Variants in PLA2G4A observed in about 807,000 individuals in gnomAD.
PLA2G4A encodes phospholipase A2 group IVA, also known as cytosolic phospholipase A2.
Under a neutral mutation model 81.9 loss-of-function variants are expected in PLA2G4A, and 40 were observed. The ratio of observed to expected loss-of-function variants is 0.49; its 90% CI spans 0.38 to 0.64. The LOEUF (loss-of-function observed/expected upper bound fraction) is 0.64, where lower values mean the gene tolerates loss of function less well. PLA2G4A is among the 30% of genes least tolerant of loss of function. The pLI, the probability that PLA2G4A is intolerant of heterozygous loss-of-function variation, is 0.00. For missense variants in PLA2G4A, 715 were observed against 905.1 expected (o/e 0.79, Z 2.69); for synonymous variants, 302 against 296.9 (o/e 1.02, Z -0.18).
chr1:186,987,462 C>T (rs1484599084), intron 17 of PLA2G4A, among the ~76,000 whole-genome samples: 1 of 152,232 alleles, frequency 6.6e-6, no homozygotes, highest in Non-Finnish European at 1.5e-5. Context: ...TGACTTGCCT[C>T]GGTTTCCTGA....
chr1:186,933,853 C>T (rs1330987702), intron 8 of PLA2G4A, among the ~76,000 whole-genome samples: 1 of 152,110 alleles, frequency 6.6e-6, no homozygotes, highest in African/African-American at 2.4e-5. Context: ...GGCTTTTGAT[C>T]TGTCATTCTG....
chr1:186,941,086 C>T (rs894186119), intron 10 of PLA2G4A, among the ~76,000 whole-genome samples: 11 of 127,752 alleles, frequency 8.6e-5, no homozygotes, highest in Admixed American at 6.9e-4. Context: ...GCACTCCAGC[C>T]GGGGCCATAG....
At chr1:186,937,782 C>T (rs946531982) in intron 8 of PLA2G4A, among the ~76,000 whole-genome samples, 2 of 150,914 alleles carry the variant, frequency 1.3e-5, no homozygotes, top group Non-Finnish European at 3.0e-5. Context: ...TCCAGTTCTG[C>T]TGTTATAAAC....
intron 13 of PLA2G4A, among the ~76,000 whole-genome samples, chr1:186,955,711 A>G (rs1656721172): frequency 6.7e-6 from 1 of 150,334 alleles, no homozygotes; most frequent in Non-Finnish European, 1.5e-5. Context: ...TAATTTTAAC[A>G]TTCAATTATC....
chr1:186,888,164 C>T (rs1326680673), intron 3 of PLA2G4A, among the ~76,000 whole-genome samples: 1 of 152,184 alleles, frequency 6.6e-6, no homozygotes, highest in African/African-American at 2.4e-5. Flanking sequence ...GCAAATCCAA[C>T]ATGACAGCTA....
At chr1:186,840,994 C>T (rs1463088299) in intron 1 of PLA2G4A, among the ~76,000 whole-genome samples, 2 of 152,192 alleles carry the variant, frequency 1.3e-5, no homozygotes, top group African/African-American at 2.4e-5. Flanking sequence ...TTTGTGCCAC[C>T]TTGTTGCATA....
At chr1:186,937,742 A>G (rs561430157) in intron 8 of PLA2G4A, among the ~76,000 whole-genome samples, 2 of 15,422 alleles carry the variant, frequency 1.3e-4, no homozygotes, top group Non-Finnish European at 1.4e-4. Flanking sequence ...AAAAAAAAAT[A>G]GCCTACTGGG....
At chr1:186,932,532 T>A (rs2024656) in intron 7 of PLA2G4A, among the ~76,000 whole-genome samples, 1 of 151,802 alleles carries the variant, frequency 6.6e-6, no homozygotes, top group Non-Finnish European at 1.5e-5. Context: ...AACTCCTGAC[T>A]TCAGGTGATG....
At chr1:186,988,296 C>A (rs1657955247) in intron 17 of PLA2G4A, 81 bp from the exon 18 acceptor site, 4 of 1,065,546 alleles carry the variant, frequency 3.8e-6, no homozygotes, top group Non-Finnish European at 5.4e-6. Context: ...TAAAAAGATT[C>A]ATTTGATTTT....
chr1:186,942,629 G>T (rs150789397), intron 10 of PLA2G4A, among the ~76,000 whole-genome samples: 1,769 of 151,610 alleles, frequency 0.012, 40 homozygotes, highest in African/African-American at 0.04. Flanking sequence ...TTTTCACGGT[G>T]GTTATATTTT....
In PLA2G4A at chr1:186,932,911, T is replaced by A. The variant is rs745937645; in HGVS notation, c.695+12T>A. 1 of 1,592,278 alleles carries A rather than the reference T, an allele frequency of 6.3e-7. No homozygotes were observed. The highest frequency in any genetic ancestry group is 1.3e-5 in the African/African-American group (1 of 74,456). Reference sequence around the variant, plus strand: ...TCTGGCTCCACCTGGTTAGTATACATTTTTAATTTTAGTTTTATAACTTTA... The same window carrying A: ...TCTGGCTCCACCTGGTTAGTATACAATTTTAATTTTAGTTTTATAACTTTA... On this transcript the variant is annotated intron_variant, in intron 8 of 17. Transcript: ENST00000367466.
chr1:186,981,418 C>T (rs1379834597), intron 17 of PLA2G4A, among the ~76,000 whole-genome samples: 1 of 152,096 alleles, frequency 6.6e-6, no homozygotes, highest in African/African-American at 2.4e-5. Context: ...TTGTTTGACA[C>T]ATAGATGTAA....
intron 1 of PLA2G4A, among the ~76,000 whole-genome samples, chr1:186,830,949 G>GCTTTCTTT (rs1274358109): frequency 2.0e-4 from 9 of 44,898 alleles, no homozygotes; most frequent in East Asian, 8.9e-4. Context: ...TTGCTTGCTT[G>GCTTTCTTT]CTTGCTTGCT....
At chr1:186,939,613 G>A (rs1656077366) in intron 9 of PLA2G4A, among the ~76,000 whole-genome samples, 1 of 152,110 alleles carries the variant, frequency 6.6e-6, no homozygotes, top group Non-Finnish European at 1.5e-5. Context: ...GAAAGGAAGG[G>A]GATCGCATAG....
Position 186,854,302 on chromosome 1 carries a change from A to G in PLA2G4A, c.-53A>G. 1.9e-6 allele frequency: 2 copies of G among 1,035,856 alleles called. No individual in the cohort carries two copies. Among genetic ancestry groups the G allele is most frequent in the Non-Finnish European group, 3.1e-6 (2 of 653,442 alleles). The allele number at this position is 1,035,856 out of a possible 1,614,324, so 64.2% of individuals were successfully genotyped here. A position where few individuals can be genotyped will look rare whatever the true frequency, so the allele number is the denominator to read the frequency against. On this transcript the variant is annotated 5_prime_UTR_variant, in exon 2 of 18. Transcript: ENST00000367466. Reference sequence around the variant, plus strand: ...ATTTTGTAGGTTTTAAAGACGCTAGAGTGCCAAAGAAGACTTTGAAGTGTG... The same window carrying G: ...ATTTTGTAGGTTTTAAAGACGCTAGGGTGCCAAAGAAGACTTTGAAGTGTG...
At chr1:186,925,365 T>C (rs189446624) in intron 7 of PLA2G4A, among the ~76,000 whole-genome samples, 1 of 152,308 alleles carries the variant, frequency 6.6e-6, no homozygotes, top group East Asian at 1.9e-4. Flanking sequence ...AGAGTGAATG[T>C]TTCAAAACAG....
At position 186,988,591 on chromosome 1, in the gene PLA2G4A, G is replaced by T. The variant is rs1276232384; in HGVS notation, c.*83G>T. The T allele has an allele frequency of 1.7e-6, 2 of 1,208,066 alleles. No homozygotes were observed. The highest frequency in any genetic ancestry group is 2.4e-6 in the Non-Finnish European group (2 of 819,038). 74.8% of individuals were successfully genotyped at this position (1,208,066 alleles called of 1,614,324 possible). On this transcript the variant is annotated 3_prime_UTR_variant, in exon 18 of 18. Coordinates refer to ENST00000367466, the MANE Select transcript of PLA2G4A (RefSeq NM_024420.3). ...CAACTGGATTTAAAAGTACAGTACAGATAGTCGTACTGATCATGAGAGACT... is the reference window on the plus strand; with the variant it reads ...CAACTGGATTTAAAAGTACAGTACATATAGTCGTACTGATCATGAGAGACT...
chr1:186,936,637 G>A (rs556730478), intron 8 of PLA2G4A, among the ~76,000 whole-genome samples: 11 of 151,840 alleles, frequency 7.2e-5, no homozygotes, highest in South Asian at 4.1e-4. Context: ...TGTTTACCCC[G>A]AAGGTTTGGA....
chr1:186,987,033 C>A (rs1657912595), intron 17 of PLA2G4A, among the ~76,000 whole-genome samples: 1 of 152,252 alleles, frequency 6.6e-6, no homozygotes, highest in African/African-American at 2.4e-5. Flanking sequence ...AAAAGAACCA[C>A]ATTCCTGTGA....
Sources: allele counts gnomAD v4.1 joint callset (sites outside exome capture counted in the v4.1 genomes callset), GRCh38; gene constraint gnomAD v4.1.1; transcripts MANE v1.5; gene names NCBI Gene and HGNC (gene_info 2026-07-23, HGNC 2026-07-21).